Variants in NDEL1 observed in about 807,000 individuals in gnomAD.
NDEL1 encodes the protein nuclear distribution protein nudE-like 1.
A neutral mutation model predicts 45.7 loss-of-function variants in NDEL1; 9 were observed. The observed-to-expected ratio is 0.20, with a 90% confidence interval of 0.12 to 0.34. NDEL1 has a LOEUF of 0.34. Among genes scored for constraint, NDEL1 ranks in the 10% least tolerant of loss-of-function variants. NDEL1 has a pLI of 1.00. For missense variants in NDEL1, 306 were observed against 406.2 expected (o/e 0.75, Z 2.12); for synonymous variants, 133 against 158.6 (o/e 0.84, Z 1.21).
intron 7 of NDEL1, among the ~76,000 whole-genome samples, 173 bp from the exon 8 acceptor site, chr17:8,459,836 G>A (rs1239516008): frequency 6.6e-6 from 1 of 152,178 alleles, no homozygotes; most frequent in Non-Finnish European, 1.5e-5. Context: ...TAGAAAGGGA[G>A]CATAAGTATT....
intron 6 of NDEL1, among the ~76,000 whole-genome samples, chr17:8,453,991 C>G (rs540311618): frequency 6.6e-6 from 1 of 152,132 alleles, no homozygotes; most frequent in East Asian, 1.9e-4. Flanking sequence ...CTAAATGATA[C>G]TAGGACAATT....
At chr17:8,454,720 C>G in intron 6 of NDEL1, 76 bp from the exon 7 acceptor site, 1 of 1,047,286 alleles carries the variant, frequency 9.5e-7, no homozygotes, top group Non-Finnish European at 1.5e-6. Flanking sequence ...TGTTACACTA[C>G]TTTGTAACAT....
chr17:8,451,155 A>G (rs933809099), intron 6 of NDEL1, among the ~76,000 whole-genome samples: 1 of 152,210 alleles, frequency 6.6e-6, no homozygotes, highest in African/African-American at 2.4e-5. Flanking sequence ...TACATTTAAG[A>G]TGAGATTTTT....
chr17:8,431,601 A>C (rs1379391879), upstream of NDEL1, among the ~76,000 whole-genome samples: 1 of 152,250 alleles, frequency 6.6e-6, no homozygotes, highest in African/African-American at 2.4e-5. Context: ...CAATTCGAAC[A>C]GGGTGGGTTT....
chr17:8,413,295 G>A (rs1365446677), intron 1 of NDEL1: 2 of 152,406 alleles, frequency 1.3e-5, no homozygotes, highest in African/African-American at 4.8e-5. Context: ...AGAGCTGATT[G>A]GAGAAGGTCT....
rs1911661165 is a variant in NDEL1, at chr17:8,467,261, A to G, written c.*238A>G. 5.1e-6 allele frequency: 3 copies of G among 585,160 alleles called. No homozygotes were observed. Among genetic ancestry groups the G allele is most frequent in the Non-Finnish European group, 9.1e-6 (3 of 328,948 alleles). The allele number at this position is 585,160 out of a possible 1,614,324, so 36.2% of individuals were successfully genotyped here. ...AGTGCCGTTGGTTTCACATGATTGC[A>G]CTTTTGTGGGTCGCAAGGTGATACA... On this transcript the variant is annotated 3_prime_UTR_variant, in exon 9 of 9. Transcript: ENST00000334527. This position sits in a 1 kb window ranked among gnomAD's most constrained non-coding sequence, Gnocchi z 6.3.
chr17:8,459,881 T>G, intron 7 of NDEL1, 128 bp from the exon 8 acceptor site: 1 of 908,188 alleles, frequency 1.1e-6, no homozygotes, highest in South Asian at 1.7e-5. Context: ...TGATTATGGC[T>G]GAACTAACCA....
Position 8,439,944 on chromosome 17 carries a change from G to C in NDEL1, c.-13+3899G>C, listed in dbSNP as rs575763745. ...AAGGTCACCCAAGTAGTGAGTAGAT[G>C]CATCAGTAGCGAGTCTGAACTTCCA... On this transcript the variant is annotated intron_variant, in intron 1 of 8. Transcript: ENST00000334527. 1.8e-3 allele frequency among the ~76,000 whole-genome samples: 271 copies of C among 152,348 alleles called. 1 individual carries two copies. The highest frequency in any genetic ancestry group is 0.01 in the Middle Eastern group (3 of 294).
chr17:8,435,542 G>A (rs1384231006), upstream of NDEL1, among the ~76,000 whole-genome samples: 2 of 152,236 alleles, frequency 1.3e-5, no homozygotes, highest in Non-Finnish European at 2.9e-5. Context: ...ACTATGAGCC[G>A]AGATTCATTT....
At position 8,446,736 on chromosome 17, in the gene NDEL1, C is replaced by T. The variant is rs11078751; in HGVS notation, c.241-18C>T. The stretch of plus-strand genomic sequence containing the variant: ...CTGTATATTAATGACATGTACTTTC[C>T]TATACTGATGCCCTCAGGAGAAGCT... On this transcript the variant is annotated intron_variant, in intron 3 of 8. Coordinates refer to ENST00000334527, the MANE Select transcript of NDEL1 (RefSeq NM_030808.5). 3 of 1,613,818 alleles carry T rather than the reference C, an allele frequency of 1.9e-6. 1 individual carries two copies. In the South Asian group the frequency reaches 3.3e-5, roughly 18 times the overall value.
intron 1 of NDEL1, among the ~76,000 whole-genome samples, chr17:8,415,169 T>C (rs1908516482): frequency 7.1e-6 from 1 of 141,132 alleles, no homozygotes. Flanking sequence ...CCTCTCTCCC[T>C]CTCTCTTTCT....
chr17:8,434,463 C>T (rs991981416), upstream of NDEL1, among the ~76,000 whole-genome samples: 2 of 152,068 alleles, frequency 1.3e-5, no homozygotes, highest in African/African-American at 4.8e-5. Flanking sequence ...GTGATTTGCC[C>T]GCCTCGGCTT....
rs545072294 is a variant in NDEL1 at position 8,418,707 on chromosome 17, TTC to T, written c.-13+5454_-13+5455del. On this transcript the variant is annotated intron_variant, in intron 1 of 4. Transcript: ENST00000582812. Reference sequence around the variant, plus strand: ...ATCTCTCTCTCTCTTTCTCTTTTCTTTCTCTCTCTCTCTCTCTTTCCTTCCTT... The same window carrying T: ...ATCTCTCTCTCTCTTTCTCTTTTCTTTCTCTCTCTCTCTCTTTCCTTCCTT... 3.5e-3 allele frequency among the ~76,000 whole-genome samples: 517 copies of T among 148,032 alleles called. 2 individuals carry two copies. Among genetic ancestry groups the T allele is most frequent in the Middle Eastern group, 0.024 (7 of 290 alleles).
intron 5 of NDEL1, 68 bp from the exon 6 acceptor site, chr17:8,450,712 T>A: frequency 7.4e-7 from 1 of 1,353,270 alleles, no homozygotes; most frequent in Non-Finnish European, 1.0e-6. Context: ...ACATTTTAGA[T>A]GTCACTTTGC....
At chr17:8,444,008 T>G (rs1276380273) in intron 1 of NDEL1, 1 of 318,282 alleles carries the variant, frequency 3.1e-6, no homozygotes, top group Non-Finnish European at 5.8e-6. Context: ...GCGCCTATGC[T>G]GCAACCAAAA....
intron 1 of NDEL1, among the ~76,000 whole-genome samples, chr17:8,426,660 C>G (rs954801647): frequency 6.6e-6 from 1 of 152,058 alleles, no homozygotes; most frequent in Non-Finnish European, 1.5e-5. Flanking sequence ...GTCAGGAAAA[C>G]CGTGAGGTTC....
At chr17:8,451,014 T>C (rs2151725105) in intron 6 of NDEL1, 61 bp downstream of exon 6, 1 of 1,497,940 alleles carries the variant, frequency 6.7e-7, no homozygotes, top group Admixed American at 2.4e-5. Flanking sequence ...GGGGGTTTGT[T>C]GCTGAAGGCG....
intron 5 of NDEL1, among the ~76,000 whole-genome samples, chr17:8,450,374 CAT>C (rs1327456489): frequency 6.6e-6 from 1 of 151,662 alleles, no homozygotes; most frequent in Admixed American, 6.6e-5. Context: ...GTAAATATTT[CAT>C]AGTGATAATA....
rs138009437 is a variant in NDEL1, at chr17:8,440,274, T to G, written c.-12-3986T>G. On this transcript the variant is annotated intron_variant, in intron 1 of 8. Coordinates refer to ENST00000334527, the MANE Select transcript of NDEL1 (RefSeq NM_030808.5). ...GGCTCATGCCTGTAATCCCAGCACT[T>G]TGGGAGGCCGAGGAGGGCAGATCAC... 8.3e-3 allele frequency among the ~76,000 whole-genome samples: 1,259 copies of G among 152,182 alleles called. 18 individuals are homozygous for G. The highest frequency in any genetic ancestry group is 0.028 in the African/African-American group (1,174 of 41,518).
Sources: allele counts gnomAD v4.1 joint callset (sites outside exome capture counted in the v4.1 genomes callset), GRCh38; gene constraint gnomAD v4.1.1; non-coding constraint Gnocchi (gnomAD v3.1); transcripts MANE v1.5; gene names NCBI Gene and HGNC (gene_info 2026-07-23, HGNC 2026-07-21).